The following SPRED2 variants were observed in gnomAD, a reference collection of about 807,000 sequenced individuals.
The protein encoded by SPRED2 is sprouty related EVH1 domain containing 2.
A neutral mutation model predicts 43.0 loss-of-function variants in SPRED2; 47 were observed. The observed-to-expected ratio is 1.09, with a 90% CI of 0.87 to 1.40. The LOEUF is 1.40. Ranked by LOEUF, SPRED2 falls within the 40% of genes most tolerant of loss-of-function variation. The pLI is 0.00. For synonymous variants in SPRED2, 225 were observed against 225.7 expected (o/e 1.00, Z 0.03); for missense variants, 561 against 586.4 (o/e 0.96, Z 0.45).
Position 65,344,766 on chromosome 2 carries a change from C to A in SPRED2, c.157G>T (p.Gly53Ter). ...CCATGGATGAGAAAGCCGCTTCGTC[C>A]ATTGCCTTCGGGGTGCATGACCTTA... ...VCKVMHPEGN[G>*]RSGFLIHGER... Residue 53 changes from glycine to a stop codon, truncating the protein, a stop_gained, in exon 2 of 6, where the codon GGA (glycine) becomes TGA (stop). Transcript: ENST00000356388. LOFTEE classifies it high-confidence loss of function. 1 of 1,614,214 alleles carries A rather than the reference C, an allele frequency of 6.2e-7. No individual in the cohort carries two copies. Among genetic ancestry groups the A allele is most frequent in the Non-Finnish European group, 8.5e-7 (1 of 1,180,034 alleles).
chr2:65,373,058 T>G (rs1675167022), intron 1 of SPRED2, among the ~76,000 whole-genome samples: 1 of 152,232 alleles, frequency 6.6e-6, no homozygotes, highest in African/African-American at 2.4e-5. Context: ...AAATGTCTTC[T>G]AAGAACTTTC....
At chr2:65,308,921 G>A (rs544911903), downstream of SPRED2, among the ~76,000 whole-genome samples, 3 of 152,258 alleles carry the variant, frequency 2.0e-5, no homozygotes, top group African/African-American at 7.2e-5. Flanking sequence ...GGGAGGCCAA[G>A]GTGGGTGGAT....
At chr2:65,336,776 A>G (rs1408601033) in intron 2 of SPRED2, among the ~76,000 whole-genome samples, 1 of 152,218 alleles carries the variant, frequency 6.6e-6, no homozygotes, top group Admixed American at 6.5e-5. Context: ...ATATTTTCCA[A>G]CTTTGAAATT....
chr2:65,393,872 C>T (rs1485691749), intron 1 of SPRED2, among the ~76,000 whole-genome samples: 1 of 152,118 alleles, frequency 6.6e-6, no homozygotes, highest in Non-Finnish European at 1.5e-5. Context: ...GGAACAGAAA[C>T]CCACAATGGA....
intron 1 of SPRED2, among the ~76,000 whole-genome samples, chr2:65,416,837 G>A (rs1676286380): frequency 6.6e-6 from 1 of 152,298 alleles, no homozygotes; most frequent in South Asian, 2.1e-4. Context: ...GCCTAGGTTT[G>A]TAGATGCCCT....
At chr2:65,379,256 T>A (rs1301713261) in intron 1 of SPRED2, among the ~76,000 whole-genome samples, 2 of 152,200 alleles carry the variant, frequency 1.3e-5, no homozygotes. Flanking sequence ...TAAGTGCTAA[T>A]GTGCATCTTG....
intron 1 of SPRED2, among the ~76,000 whole-genome samples, chr2:65,390,436 G>A (rs924002828): frequency 2.6e-5 from 4 of 152,178 alleles, no homozygotes; most frequent in Non-Finnish European, 5.9e-5. Flanking sequence ...TTTGGCGTGG[G>A]GAGTAACAGC....
downstream of SPRED2, among the ~76,000 whole-genome samples, chr2:65,307,696 C>T (rs1000666676): frequency 3.3e-5 from 5 of 152,202 alleles, no homozygotes; most frequent in African/African-American, 9.7e-5. Flanking sequence ...GCCACCACGG[C>T]ACCAATAGCA....
intron 4 of SPRED2, among the ~76,000 whole-genome samples, chr2:65,323,067 T>C (rs924631231): frequency 3.1e-4 from 47 of 152,234 alleles, no homozygotes; most frequent in African/African-American, 1.1e-3. Context: ...CAATTTTGGC[T>C]CACCGCAACC....
chr2:65,412,714 G>A (rs1453637198), intron 1 of SPRED2, among the ~76,000 whole-genome samples: 4 of 152,150 alleles, frequency 2.6e-5, no homozygotes, highest in African/African-American at 4.8e-5. Context: ...TGAGAATACA[G>A]CTTCTTCATC....
intron 1 of SPRED2, among the ~76,000 whole-genome samples, chr2:65,361,059 T>A (rs148521376): frequency 1.3e-5 from 2 of 152,182 alleles, no homozygotes; most frequent in Non-Finnish European, 2.9e-5. Context: ...AAAAAATTCT[T>A]TTAAAAGAAA....
At chr2:65,378,466 G>A (rs1189171944) in intron 1 of SPRED2, among the ~76,000 whole-genome samples, 2 of 152,168 alleles carry the variant, frequency 1.3e-5, no homozygotes, top group Admixed American at 6.5e-5. Context: ...TGTGTGGGGC[G>A]GAGGAGACAT....
At chr2:65,423,372 A>G (rs550684867) in intron 1 of SPRED2, among the ~76,000 whole-genome samples, 1 of 152,362 alleles carries the variant, frequency 6.6e-6, no homozygotes, top group East Asian at 1.9e-4. Flanking sequence ...GACAAGCTAT[A>G]AAACTCAGAA....
chr2:65,390,913 G>A (rs1376271445), intron 1 of SPRED2, among the ~76,000 whole-genome samples: 2 of 151,804 alleles, frequency 1.3e-5, no homozygotes, highest in East Asian at 1.9e-4. Context: ...GTAAAACCCC[G>A]TCTCTACAAA....
At chr2:65,392,663 G>C (rs1412196054) in intron 1 of SPRED2, among the ~76,000 whole-genome samples, 2 of 152,196 alleles carry the variant, frequency 1.3e-5, no homozygotes, top group Non-Finnish European at 2.9e-5. Context: ...GTACAATGGA[G>C]TTGTGTTGAA....
chr2:65,356,919 G>A (rs893565578), intron 1 of SPRED2, among the ~76,000 whole-genome samples: 5 of 152,092 alleles, frequency 3.3e-5, no homozygotes, highest in Admixed American at 1.3e-4. Context: ...GCTTGAACCC[G>A]AGAAGCGGAG....
intron 4 of SPRED2, among the ~76,000 whole-genome samples, chr2:65,326,686 A>C (rs115106357): frequency 0.017 from 2,662 of 152,228 alleles, 31 homozygotes; most frequent in Non-Finnish European, 0.027. Flanking sequence ...CCAACCAAGA[A>C]AAAGAAATAG....
chr2:65,407,592 T>C (rs1676056044), intron 1 of SPRED2, among the ~76,000 whole-genome samples: 1 of 152,226 alleles, frequency 6.6e-6, no homozygotes, highest in Non-Finnish European at 1.5e-5. Flanking sequence ...TCAATGACTG[T>C]CATGCACATC....
At chr2:65,395,014 G>A (rs76128399) in intron 1 of SPRED2, among the ~76,000 whole-genome samples, 6,021 of 152,030 alleles carry the variant, frequency 0.04, 410 homozygotes, top group African/African-American at 0.14. Context: ...AGAGATATCC[G>A]GTGGCCAGGA....
Sources: allele counts gnomAD v4.1 joint callset (sites outside exome capture counted in the v4.1 genomes callset), GRCh38; gene constraint gnomAD v4.1.1; transcripts MANE v1.5; gene names NCBI Gene and HGNC (gene_info 2026-07-23, HGNC 2026-07-21).